Variants in SHROOM4 observed in about 807,000 individuals in gnomAD.
The protein encoded by SHROOM4 is shroom family member 4, also known as protein Shroom4.
In SHROOM4, 17 loss-of-function variants were observed where a neutral mutation model predicts 80.3. That is an observed-to-expected ratio of 0.21 (90% CI 0.14 to 0.32). The LOEUF (loss-of-function observed/expected upper bound fraction) is 0.32, where lower values mean the gene tolerates loss of function less well. Among genes scored for constraint, SHROOM4 ranks in the 10% least tolerant of loss-of-function variants. SHROOM4 has a pLI of 1.00. For missense variants in SHROOM4, 993 were observed against 1,140.3 expected (o/e 0.87, Z 1.86); for synonymous variants, 400 against 437.5 (o/e 0.91, Z 1.07).
At chrX:50,730,151 G>T (rs996198087) in intron 1 of SHROOM4, among the ~76,000 whole-genome samples, 3 of 111,956 alleles carry the variant, frequency 2.7e-5, no homozygotes, top group Non-Finnish European at 5.6e-5. Context: ...TTGCAGGCTG[G>T]GTGCAGTGGT....
chrX:50,578,825 T>C, the SHROOM4 span, among the ~76,000 whole-genome samples: 2 of 111,839 alleles, frequency 1.8e-5, no homozygotes, highest in East Asian at 2.8e-4. Flanking sequence ...AAGACCCTCA[T>C]TGAAGACAAT....
chrX:50,784,136 G>GTGTTT (rs1569548984), intron 1 of SHROOM4, among the ~76,000 whole-genome samples: 2 of 111,332 alleles, frequency 1.8e-5, no homozygotes, highest in Non-Finnish European at 3.8e-5. Context: ...GATAATCTTT[G>GTGTTT]TGTTTTGTTT....
chrX:50,686,271 G>A (rs782716385), intron 2 of SHROOM4, among the ~76,000 whole-genome samples: 1 of 110,648 alleles, frequency 9.0e-6, no homozygotes, highest in Non-Finnish European at 1.9e-5. Context: ...TCCTGATCTC[G>A]TGATCCGCCC....
intron 2 of SHROOM4, among the ~76,000 whole-genome samples, chrX:50,655,445 T>A (rs1326393899): frequency 9.2e-6 from 1 of 108,466 alleles, no homozygotes; most frequent in Non-Finnish European, 1.9e-5. Flanking sequence ...ATGACAGGAT[T>A]TCCTTCTTTT....
At chrX:50,618,746 C>CATT (rs1183094490) in intron 5 of SHROOM4, among the ~76,000 whole-genome samples, 1 of 111,605 alleles carries the variant, frequency 9.0e-6, no homozygotes, top group Non-Finnish European at 1.9e-5. Flanking sequence ...TATGTATTTC[C>CATT]ATTAATCTTC....
At chrX:50,684,295 G>A (rs1405184708) in intron 2 of SHROOM4, among the ~76,000 whole-genome samples, 2 of 111,247 alleles carry the variant, frequency 1.8e-5, no homozygotes, top group Non-Finnish European at 3.8e-5. Context: ...TGGAGGCAGA[G>A]GTTGGAGTGC....
At chrX:50,624,874 G>C (rs1930731829) in intron 5 of SHROOM4, among the ~76,000 whole-genome samples, 1 of 110,932 alleles carries the variant, frequency 9.0e-6, no homozygotes, top group African/African-American at 3.3e-5. Context: ...CAAATAATCT[G>C]AACAGATAAT....
chrX:50,805,363 GAGA>G (rs1401837065), intron 1 of SHROOM4, among the ~76,000 whole-genome samples: 7 of 111,890 alleles, frequency 6.3e-5, no homozygotes, highest in African/African-American at 2.0e-4. Context: ...GGAAAAAAGA[GAGA>G]AGATCATACA....
chrX:50,735,024 G>A (rs1934452874), intron 1 of SHROOM4, among the ~76,000 whole-genome samples: 2 of 110,461 alleles, frequency 1.8e-5, no homozygotes, highest in Admixed American at 9.7e-5. Context: ...ACCCAGTCTC[G>A]AGTATGTTTT....
intron 2 of SHROOM4, among the ~76,000 whole-genome samples, chrX:50,646,527 AGTGTGTGTGTGTGTGTGTGTGT>A (rs782016561): frequency 1.0e-4 from 8 of 78,779 alleles, no homozygotes; most frequent in South Asian, 8.5e-4. Flanking sequence ...AGGGGGGAAG[AGTGTGTGTGTGTGTGTGTGTGT>A]GTGTGTGTGT....
intron 5 of SHROOM4, among the ~76,000 whole-genome samples, chrX:50,620,756 T>G (rs1460428272): frequency 8.9e-6 from 1 of 112,045 alleles, no homozygotes; most frequent in Non-Finnish European, 1.9e-5. Context: ...CTTCTTTAAT[T>G]GCTAGAGAGG....
Position 50,591,749 on chromosome X carries a change from A to G in SHROOM4, c.*4946T>C. The stretch of plus-strand genomic sequence containing the variant: ...TTCTTTCTTTTTGAGACAAAGTCTC[A>G]CTCTGTTGCCCAGGATGGAGTGCAG... On this transcript the variant is annotated 3_prime_UTR_variant, in exon 9 of 9. Coordinates refer to ENST00000376020, the MANE Select transcript of SHROOM4 (RefSeq NM_020717.5). The G allele has an allele frequency of 3.5e-6, 1 of 287,277 alleles. No individual in the cohort carries two copies. The highest frequency in any genetic ancestry group is 1.1e-4 in the East Asian group (1 of 9,506). 23.7% of individuals were successfully genotyped at this position (287,277 alleles called of 1,213,427 possible).
rs1930122330 is a variant in SHROOM4 at position 50,614,148 on chromosome X, T to A, written c.2958-5964A>T. Among the ~76,000 whole-genome samples, 6 of 112,438 alleles carry A rather than the reference T, an allele frequency of 5.3e-5. No individual in the cohort carries two copies. The South Asian group carries it at 2.2e-3, about 41-fold the overall frequency. ...TTTACAACGAAATAAAGTTTAGATG[T>A]ATCAAGACTCAATTGTCAAAAAAAT... is the stretch of plus-strand genomic sequence containing the variant. On this transcript the variant is annotated intron_variant, in intron 5 of 8. Coordinates refer to ENST00000376020, the MANE Select transcript of SHROOM4 (RefSeq NM_020717.5).
intron 1 of SHROOM4, among the ~76,000 whole-genome samples, chrX:50,765,018 C>T (rs1406249812): frequency 9.0e-6 from 1 of 111,635 alleles, no homozygotes; most frequent in South Asian, 3.7e-4. Context: ...ATCAGATCCT[C>T]ATGAGACTTA....
intron 2 of SHROOM4, among the ~76,000 whole-genome samples, chrX:50,651,631 G>A (rs1218492086): frequency 5.4e-5 from 6 of 111,420 alleles, no homozygotes; most frequent in South Asian, 3.9e-4. Flanking sequence ...TGTGCAGAAC[G>A]TGCAGGTTTG....
chrX:50,708,757 G>C (rs1480530363), intron 1 of SHROOM4, among the ~76,000 whole-genome samples: 4 of 111,652 alleles, frequency 3.6e-5, no homozygotes, highest in African/African-American at 1.3e-4. Context: ...GAAGGATAAA[G>C]GAGCTCCAAG....
intron 1 of SHROOM4, among the ~76,000 whole-genome samples, chrX:50,766,618 G>T (rs2147641714): frequency 9.0e-6 from 1 of 111,670 alleles, no homozygotes; most frequent in African/African-American, 3.2e-5. Flanking sequence ...CCCTGGGGGA[G>T]TGGGGAAGAC....
At chrX:50,653,762 T>G (rs2147350395) in intron 2 of SHROOM4, among the ~76,000 whole-genome samples, 1 of 111,994 alleles carries the variant, frequency 8.9e-6, no homozygotes, top group Admixed American at 9.5e-5. Context: ...TATTGAGAGT[T>G]TTTAGCATGA....
Position 50,635,039 on chromosome X carries a change from C to A in SHROOM4, c.1034G>T (p.Ser345Ile). ...CTGTTGGCTGGATTCAGGAGGCTGA[C>A]TGAACTCACAGTTCTGATGGCCCTC... Reference protein sequence around the residue: ...TSEGHQNCEFSQPPESSQQGS... With the variant: ...TSEGHQNCEFIQPPESSQQGS... The change falls in exon 4 of 9, where the codon AGT becomes ATT. Residue 345 changes from serine (S) to isoleucine (I), a missense_variant. Physicochemically the swap from Ser to Ile is moderately radical, Grantham distance 142. Coordinates refer to ENST00000376020, the MANE Select transcript of SHROOM4 (RefSeq NM_020717.5). The A allele has an allele frequency of 8.2e-7, 1 of 1,212,333 alleles. No individual in the cohort carries two copies. The highest frequency in any genetic ancestry group is 1.7e-5 in the African/African-American group (1 of 57,956).
Sources: gnomAD v4.1 joint callset for allele counts (sites outside exome capture counted in the v4.1 genomes callset) on GRCh38, gnomAD v4.1.1 for gene constraint, MANE v1.5 for transcripts, NCBI Gene and HGNC (gene_info 2026-07-23, HGNC 2026-07-21) for gene names.